YIPF1: variants seen among roughly 807,000 people sequenced by gnomAD.
The protein encoded by YIPF1 is protein YIPF1.
A neutral mutation model predicts 37.0 loss-of-function variants in YIPF1; 22 were observed. The ratio of observed to expected loss-of-function variants is 0.59; its 90% CI spans 0.42 to 0.85. YIPF1 has a LOEUF of 0.85. Ranked by LOEUF, YIPF1 falls within the 40% of genes least tolerant of loss-of-function variation. YIPF1 has a pLI of 0.00. For synonymous variants in YIPF1, 128 were observed against 131.9 expected (o/e 0.97, Z 0.21); for missense variants, 355 against 373.1 (o/e 0.95, Z 0.40).
intron 8 of YIPF1, 130 bp from the exon 9 acceptor site, chr1:53,866,512 A>G: frequency 2.8e-6 from 3 of 1,061,072 alleles, no homozygotes; most frequent in South Asian, 3.3e-5. Context: ...TTTTCAGTAC[A>G]GGCTGGAGGA....
At position 53,878,642 on chromosome 1, in the gene YIPF1, C is replaced by A. The variant is rs778551612; in HGVS notation, c.276G>T (p.Gln92His). Residue 92 changes from glutamine (Q) to histidine (H), a missense_variant and splice_region_variant, in exon 5 of 11, where the codon CAG becomes CAT. Transcript: ENST00000072644. Reference protein sequence around the residue: ...YQTFFDVDTYQVFDRIKGSLL... With the variant: ...YQTFFDVDTYHVFDRIKGSLL... ...GGAAAGGTGAAATTGGTTTCCAAAC[C>A]TGGTAGGTGTCCACATCAAAGAATG... 6 of 1,600,430 alleles carry A rather than the reference C, an allele frequency of 3.7e-6. No homozygotes were observed. Among genetic ancestry groups the A allele is most frequent in the Non-Finnish European group, 5.1e-6 (6 of 1,177,258 alleles).
chr1:53,853,698 A>G (rs1431198552), intron 10 of YIPF1, among the ~76,000 whole-genome samples: 1 of 152,252 alleles, frequency 6.6e-6, no homozygotes, highest in Non-Finnish European at 1.5e-5. Flanking sequence ...AACATTGCCA[A>G]CAAAATATCT....
chr1:53,877,934 C>T (rs903479470), intron 6 of YIPF1, among the ~76,000 whole-genome samples: 1 of 152,146 alleles, frequency 6.6e-6, no homozygotes, highest in Non-Finnish European at 1.5e-5. Context: ...GGATTACAGG[C>T]GGCAGCCACT....
Position 53,866,190 on chromosome 1 carries a change from G to A in YIPF1, c.831+10C>T. 1.9e-6 allele frequency: 3 copies of A among 1,613,176 alleles called. No individual in the cohort carries two copies. Among genetic ancestry groups the A allele is most frequent in the Admixed American group, 1.7e-5 (1 of 59,930 alleles). On this transcript the variant is annotated intron_variant, in intron 9 of 10. Coordinates refer to ENST00000072644, the MANE Select transcript of YIPF1 (RefSeq NM_018982.5). Reference sequence around the variant, plus strand: ...AAACACACCAAAAGAATATACGACTGAACCCATACCAAGCAGCCCACAGAA... The same window carrying A: ...AAACACACCAAAAGAATATACGACTAAACCCATACCAAGCAGCCCACAGAA...
At chr1:53,888,822 G>A (rs1650725110) in intron 3 of YIPF1, 85 bp downstream of exon 3, 2 of 1,292,976 alleles carry the variant, frequency 1.5e-6, no homozygotes, top group African/African-American at 1.5e-5. Flanking sequence ...CCTTCAATGT[G>A]TGAGGCAGTA....
chr1:53,869,872 CTTTT>C (rs11304446), intron 7 of YIPF1, among the ~76,000 whole-genome samples: 2 of 125,854 alleles, frequency 1.6e-5, no homozygotes. Flanking sequence ...TTTCTCCCCG[CTTTT>C]TTTTTTTTTT....
Position 53,878,690 on chromosome 1 carries a change from G to A in YIPF1, c.228C>T (p.Phe76=), listed in dbSNP as rs776348673. The change falls in exon 5 of 11, where the codon TTC becomes TTT. Residue 76 remains phenylalanine (F), a synonymous_variant. Transcript: ENST00000072644. ...ATGTTTGGTAGTATTCAAATGTCCA[G>A]AAGGGGGAGCTTTTCTTCTGTCCAG... ...LLAGQKKSSP[F]WTFEYYQTFF... 4 of 1,597,962 alleles carry A rather than the reference G, an allele frequency of 2.5e-6. No individual in the cohort carries two copies. The highest frequency in any genetic ancestry group is 3.4e-6 in the Non-Finnish European group (4 of 1,176,662).
chr1:53,866,911 A>G lies in YIPF1; in HGVS notation c.495T>C (p.Ala165=). The stretch of plus-strand genomic sequence containing the variant: ...GCCAGGCATAGGCATAGATGATGGT[A>G]GCTGCTATGGACACTGAGGATGACA... ...VPEFRKVSIA[A]TIIYAYAWLV... Residue 165 remains alanine (A), a synonymous_variant, in exon 8 of 11, where the codon GCT becomes GCC. Transcript: ENST00000072644. The G allele has an allele frequency of 6.2e-7, 1 of 1,612,674 alleles. No individual in the cohort carries two copies. The highest frequency in any genetic ancestry group is 1.3e-5 in the African/African-American group (1 of 75,014).
rs114571869 is a variant in YIPF1 at position 53,865,567 on chromosome 1, C to T, written c.831+633G>A. Among the ~76,000 whole-genome samples the T allele has an allele frequency of 8.8e-3, 1,343 of 152,146 alleles. 14 individuals carry two copies. Among genetic ancestry groups the T allele is most frequent in the African/African-American group, 0.031 (1,300 of 41,488 alleles). On this transcript the variant is annotated intron_variant, in intron 9 of 10. Transcript: ENST00000072644. The stretch of plus-strand genomic sequence containing the variant: ...ACTTGAGCATCCATGCTTTGGTATC[C>T]ATAGAGGGTCCTGGAACCAACCACA...
chr1:53,888,153 G>A (rs1222930367), intron 3 of YIPF1, among the ~76,000 whole-genome samples: 1 of 152,194 alleles, frequency 6.6e-6, no homozygotes, highest in Non-Finnish European at 1.5e-5. Flanking sequence ...CTGAACCCGG[G>A]AGGCAGAGGT....
In YIPF1 at chr1:53,878,642, C is replaced by G; in HGVS notation, c.276G>C (p.Gln92His). The G allele has an allele frequency of 6.2e-7, 1 of 1,600,430 alleles. No homozygotes were observed. Among genetic ancestry groups the G allele is most frequent in the Non-Finnish European group, 8.5e-7 (1 of 1,177,258 alleles). Residue 92 changes from glutamine (Q) to histidine (H), a missense_variant and splice_region_variant, in exon 5 of 11, where the codon CAG becomes CAC. Gln to His is a conservative substitution (Grantham distance 24). Transcript: ENST00000072644. ...GGAAAGGTGAAATTGGTTTCCAAAC[C>G]TGGTAGGTGTCCACATCAAAGAATG... ...YQTFFDVDTY[Q>H]VFDRIKGSLL...
At chr1:53,865,833 A>C (rs1047731045) in intron 9 of YIPF1, among the ~76,000 whole-genome samples, 4 of 151,986 alleles carry the variant, frequency 2.6e-5, no homozygotes, top group Admixed American at 2.0e-4. Context: ...CCCAGGCCGG[A>C]GTACAGTGGT....
At chr1:53,884,992 ATT>A (rs1650606705) in intron 3 of YIPF1, among the ~76,000 whole-genome samples, 1 of 152,208 alleles carries the variant, frequency 6.6e-6, no homozygotes, top group Non-Finnish European at 1.5e-5. Context: ...ATATGCAACA[ATT>A]ACTGAAGCCT....
chr1:53,857,302 G>C (rs1221850485), intron 10 of YIPF1, among the ~76,000 whole-genome samples: 1 of 152,220 alleles, frequency 6.6e-6, no homozygotes, highest in Non-Finnish European at 1.5e-5. Flanking sequence ...GAAACTGTGA[G>C]AATGTGTATT....
At position 53,860,153 on chromosome 1, in the gene YIPF1, C is replaced by G. The variant is rs200922050; in HGVS notation, c.832G>C (p.Ala278Pro). ...ATCTCTGGTGCATCAAAAAAGTATG[C>G]CTGTGGGGAAAAAAAGACCCAGGAG... ...LHMLLSVGCL[A>P]YFFDAPEMDH... Residue 278 changes from alanine to proline, a missense_variant and splice_region_variant, in exon 10 of 11, where the codon GCA becomes CCA. By Grantham distance (27) the Ala-to-Pro change is conservative (BLOSUM62 -1). Coordinates refer to ENST00000072644, the MANE Select transcript of YIPF1 (RefSeq NM_018982.5). 3.8e-5 allele frequency: 62 copies of G among 1,613,526 alleles called. 1 individual carries two copies. In the Admixed American group the frequency reaches 1.0e-3, roughly 26 times the overall value.
chr1:53,867,041 C>T lies in YIPF1; in HGVS notation c.482-117G>A, dbSNP rs913006569. ...CATGTCAATTGACTTCAGTGGACCA[C>T]GGAATCATGTCTTACTGGTCTGTAA... On this transcript the variant is annotated intron_variant, in intron 7 of 10. Transcript: ENST00000072644. 3.1e-5 allele frequency: 38 copies of T among 1,223,428 alleles called. No homozygotes were observed. In the Admixed American group the frequency reaches 5.7e-4, roughly 18 times the overall value. 75.8% of individuals were successfully genotyped at this position (1,223,428 alleles called of 1,614,324 possible).
rs746482697 is a variant in YIPF1 at position 53,889,249 on chromosome 1, G to C, written c.-55C>G. ...AGGAATGAATCTCAACTCACTGTGT[G>C]AATGTTTAGAGAGCAGGTGCAGCCT... On this transcript the variant is annotated 5_prime_UTR_variant, in exon 2 of 11. Coordinates refer to ENST00000072644, the MANE Select transcript of YIPF1 (RefSeq NM_018982.5). 5.9e-5 allele frequency: 17 copies of C among 289,708 alleles called. No individual in the cohort carries two copies. Among genetic ancestry groups the C allele is most frequent in the Non-Finnish European group, 1.1e-4 (16 of 150,022 alleles). 17.9% of individuals were successfully genotyped at this position (289,708 alleles called of 1,614,324 possible).
chr1:53,888,228 GAAAC>G (rs200571191), intron 3 of YIPF1, among the ~76,000 whole-genome samples: 7 of 151,980 alleles, frequency 4.6e-5, no homozygotes, highest in Non-Finnish European at 7.4e-5. Flanking sequence ...TCCATCAAAA[GAAAC>G]AAACAAACAA....
Position 53,878,405 on chromosome 1 carries a change from G to A in YIPF1, c.277-3C>T, listed in dbSNP as rs778691966. ...GATCCTTTAATTCTGTCAAAGACCT[G>A]GAAAACATCATAGCAGTAATTCTAC... On this transcript the variant is annotated splice_polypyrimidine_tract_variant and splice_region_variant and intron_variant, in intron 5 of 10. Coordinates refer to ENST00000072644, the MANE Select transcript of YIPF1 (RefSeq NM_018982.5). 2 of 1,613,462 alleles carry A rather than the reference G, an allele frequency of 1.2e-6. No individual in the cohort carries two copies. The highest frequency in any genetic ancestry group is 1.1e-5 in the South Asian group (1 of 90,872).
Sources: allele counts gnomAD v4.1 joint callset (sites outside exome capture counted in the v4.1 genomes callset), GRCh38; gene constraint gnomAD v4.1.1; transcripts MANE v1.5; gene names NCBI Gene and HGNC (gene_info 2026-07-23, HGNC 2026-07-21).